TENM2: variants seen among roughly 807,000 people sequenced by gnomAD.
TENM2 encodes teneurin transmembrane protein 2, also known as teneurin-2.
In TENM2, 52 loss-of-function variants were observed where a neutral mutation model predicts 245.2. That is an observed-to-expected ratio of 0.21 (90% CI 0.17 to 0.27). The LOEUF is 0.27. Ranked by LOEUF, TENM2 falls within the 10% of genes least tolerant of loss-of-function variation. The pLI, the probability that TENM2 is intolerant of heterozygous loss-of-function variation, is 1.00. For missense variants in TENM2, 3,046 were observed against 3,666.8 expected (o/e 0.83, Z 4.37); for synonymous variants, 1,363 against 1,438.9 (o/e 0.95, Z 1.19).
At chr5:167,943,003 C>T (rs574107585) in intron 3 of TENM2, among the ~76,000 whole-genome samples, 9 of 152,256 alleles carry the variant, frequency 5.9e-5, no homozygotes, top group South Asian at 4.2e-4. Context: ...ATATCTCCAG[C>T]GATATGTCTT....
At chr5:167,177,283 A>T in the TENM2 span, among the ~76,000 whole-genome samples, 11 of 152,210 alleles carry the variant, frequency 7.2e-5, no homozygotes, top group African/African-American at 2.4e-4. Flanking sequence ...AAAAGAAAAA[A>T]AAATTAGACT....
intron 2 of TENM2, among the ~76,000 whole-genome samples, chr5:167,469,089 T>C (rs1045901246): frequency 6.6e-6 from 1 of 152,168 alleles, no homozygotes; most frequent in Non-Finnish European, 1.5e-5. Flanking sequence ...ATAAAACTAT[T>C]CTGTGGGATA....
chr5:168,097,180 G>A (rs1400951051), intron 8 of TENM2, among the ~76,000 whole-genome samples: 1 of 152,054 alleles, frequency 6.6e-6, no homozygotes, highest in Non-Finnish European at 1.5e-5. Flanking sequence ...TTAAAGCAAG[G>A]AATATTTTTA....
At chr5:167,823,555 T>C (rs1266938538) in intron 2 of TENM2, among the ~76,000 whole-genome samples, 1 of 152,180 alleles carries the variant, frequency 6.6e-6, no homozygotes, top group African/African-American at 2.4e-5. Flanking sequence ...TATTTTCTTT[T>C]GTGATGACAG....
At chr5:167,325,574 A>G (rs1022977514) in intron 1 of TENM2, among the ~76,000 whole-genome samples, 2 of 152,174 alleles carry the variant, frequency 1.3e-5, no homozygotes, top group Admixed American at 6.5e-5. Context: ...TCCTTACCAC[A>G]CAAGTGGACT....
chr5:167,251,996 C>T, the TENM2 span, among the ~76,000 whole-genome samples: 4 of 152,058 alleles, frequency 2.6e-5, no homozygotes, highest in Admixed American at 2.6e-4. Flanking sequence ...AAAATTCCTA[C>T]CAAAGATTTC....
the TENM2 span, among the ~76,000 whole-genome samples, chr5:167,172,146 G>A: frequency 1.3e-5 from 2 of 152,140 alleles, no homozygotes; most frequent in South Asian, 4.1e-4. Context: ...GTGTGACACA[G>A]GCACAACCGT....
At position 168,125,079 on chromosome 5, in the gene TENM2, C is replaced by T. The variant is rs776957964; in HGVS notation, c.2209+29C>T. On this transcript the variant is annotated intron_variant, in intron 11 of 28. Transcript: ENST00000518659. ...AGCCACAAGGTTTTCTCCTTCCTCT[C>T]TCCAACACTCCTGCCCTGTGTTCCA... is the stretch of plus-strand genomic sequence containing the variant. 3.5e-5 allele frequency: 54 copies of T among 1,563,136 alleles called. 1 individual carries two copies. The highest frequency in any genetic ancestry group is 2.4e-4 in the South Asian group (21 of 85,732).
chr5:167,477,627 A>G (rs990638957), intron 2 of TENM2, among the ~76,000 whole-genome samples: 4 of 152,170 alleles, frequency 2.6e-5, no homozygotes, highest in African/African-American at 9.7e-5. Flanking sequence ...CTATTCAGTC[A>G]CCAGTTTTCT....
chr5:167,345,617 G>A (rs1758406617), intron 1 of TENM2, among the ~76,000 whole-genome samples: 1 of 152,200 alleles, frequency 6.6e-6, no homozygotes, highest in Non-Finnish European at 1.5e-5. Flanking sequence ...GTAAAAATAA[G>A]GTTTTTTACT....
At chr5:167,399,537 G>T (rs904812079) in intron 2 of TENM2, among the ~76,000 whole-genome samples, 1 of 152,174 alleles carries the variant, frequency 6.6e-6, no homozygotes, top group Non-Finnish European at 1.5e-5. Context: ...ATCCTCAGAA[G>T]AAAGTCCTAA....
chr5:168,239,625 T>G (rs1765910454), intron 25 of TENM2, among the ~76,000 whole-genome samples: 1 of 152,190 alleles, frequency 6.6e-6, no homozygotes, highest in Non-Finnish European at 1.5e-5. Flanking sequence ...GCTTAGCTTA[T>G]GAGACCAGGA....
intron 3 of TENM2, among the ~76,000 whole-genome samples, chr5:167,902,810 T>A (rs186987992): frequency 6.6e-6 from 1 of 152,292 alleles, no homozygotes; most frequent in Non-Finnish European, 1.5e-5. Flanking sequence ...CCACTTTATA[T>A]AAAAGGAGCA....
chr5:168,254,667 C>G (rs1053400920), intron 27 of TENM2, among the ~76,000 whole-genome samples: 6 of 152,166 alleles, frequency 3.9e-5, no homozygotes, highest in African/African-American at 1.2e-4. Flanking sequence ...CTCTTAACAT[C>G]ACTTTCACCT....
At chr5:167,378,448 A>G (rs571684076) in intron 2 of TENM2, among the ~76,000 whole-genome samples, 12 of 148,736 alleles carry the variant, frequency 8.1e-5, no homozygotes, top group African/African-American at 3.0e-4. Flanking sequence ...TAGCCTCTGC[A>G]TTAACATTGT....
At chr5:167,022,840 G>A in the TENM2 span, among the ~76,000 whole-genome samples, 1 of 152,088 alleles carries the variant, frequency 6.6e-6, no homozygotes, top group African/African-American at 2.4e-5. Flanking sequence ...TTGACTTTGG[G>A]ATCCTCACTG....
At chr5:167,593,484 A>G (rs1561582312) in intron 2 of TENM2, among the ~76,000 whole-genome samples, 1 of 152,190 alleles carries the variant, frequency 6.6e-6, no homozygotes, top group South Asian at 2.1e-4. Flanking sequence ...TTTGAACTGC[A>G]TCTGGAGAAT....
intron 2 of TENM2, among the ~76,000 whole-genome samples, chr5:167,612,226 C>G (rs185002940): frequency 6.6e-6 from 1 of 152,074 alleles, no homozygotes; most frequent in African/African-American, 2.4e-5. Context: ...AGAGCTGATC[C>G]TTGCCATCCA....
chr5:168,167,285 G>A (rs1758387613), intron 13 of TENM2, among the ~76,000 whole-genome samples: 2 of 152,042 alleles, frequency 1.3e-5, no homozygotes, highest in African/African-American at 2.4e-5. Flanking sequence ...GAGAGAGGGT[G>A]TAGGTTTCCT....
Sources: gnomAD v4.1 joint callset for allele counts (sites outside exome capture counted in the v4.1 genomes callset) on GRCh38, gnomAD v4.1.1 for gene constraint, MANE v1.5 for transcripts, NCBI Gene and HGNC (gene_info 2026-07-23, HGNC 2026-07-21) for gene names.